The following PAM variants were observed in gnomAD, a reference collection of about 807,000 sequenced individuals.
The protein encoded by PAM is peptidyl-glycine alpha-amidating monooxygenase.
A neutral mutation model predicts 122.1 loss-of-function variants in PAM; 72 were observed. The observed-to-expected ratio is 0.59, with a 90% CI of 0.49 to 0.72. The LOEUF (loss-of-function observed/expected upper bound fraction) is 0.72. PAM is among the 30% of genes least tolerant of loss of function. The pLI is 0.00. For synonymous variants in PAM, 389 were observed against 404.4 expected, an observed-to-expected ratio of 0.96 and a Z score of 0.46; for missense variants, 1,106 against 1,183.7, an observed-to-expected ratio of 0.93 and a Z score of 0.96.
intron 5 of PAM, 37 bp downstream of exon 5, chr5:102,914,058 A>G: frequency 1.8e-6 from 2 of 1,142,324 alleles, no homozygotes; most frequent in Non-Finnish European, 2.7e-6. Flanking sequence ...AAGGGTGTAG[A>G]AAATGTGTTT....
chr5:103,004,910 T>C (rs1454248926), intron 17 of PAM, among the ~76,000 whole-genome samples: 1 of 152,224 alleles, frequency 6.6e-6, no homozygotes. Context: ...TAAACATTTG[T>C]AATTTATATG....
chr5:102,918,497 T>C (rs940930679), intron 5 of PAM, among the ~76,000 whole-genome samples: 1 of 152,138 alleles, frequency 6.6e-6, no homozygotes, highest in African/African-American at 2.4e-5. Flanking sequence ...TTTTTATATT[T>C]AAATTACCCA....
intron 4 of PAM, among the ~76,000 whole-genome samples, chr5:102,906,312 G>A (rs539696784): frequency 6.6e-6 from 1 of 151,692 alleles, no homozygotes; most frequent in East Asian, 1.9e-4. Flanking sequence ...TATTTCAGCA[G>A]GAACTACTTT....
At chr5:103,023,208 C>T (rs1001787510) in intron 23 of PAM, among the ~76,000 whole-genome samples, 1 of 152,026 alleles carries the variant, frequency 6.6e-6, no homozygotes, top group African/African-American at 2.4e-5. Flanking sequence ...ACAGTTCCTT[C>T]CATTTAATGT....
chr5:102,999,388 C>G (rs1776677899), intron 16 of PAM, among the ~76,000 whole-genome samples: 1 of 152,240 alleles, frequency 6.6e-6, no homozygotes, highest in African/African-American at 2.4e-5. Context: ...GCTGCTTTCA[C>G]AGTTGGCATT....
chr5:102,880,311 A>C (rs1338188312), intron 3 of PAM, among the ~76,000 whole-genome samples: 3 of 152,124 alleles, frequency 2.0e-5, no homozygotes, highest in African/African-American at 4.8e-5. Context: ...ATATGACTGC[A>C]TTTAACACAT....
intron 21 of PAM, among the ~76,000 whole-genome samples, chr5:103,015,933 T>C (rs898337918): frequency 2.6e-5 from 4 of 152,222 alleles, no homozygotes; most frequent in Non-Finnish European, 4.4e-5. Context: ...ATATTTTTCC[T>C]ATCAGAAAAT....
At chr5:102,815,285 A>G (rs1020221717) in intron 1 of PAM, among the ~76,000 whole-genome samples, 45 of 152,038 alleles carry the variant, frequency 3.0e-4, no homozygotes, top group African/African-American at 9.4e-4. Flanking sequence ...AACCAGGAGA[A>G]AGGGAACTGA....
chr5:102,940,564 G>C (rs977327431), intron 7 of PAM, among the ~76,000 whole-genome samples: 2 of 149,930 alleles, frequency 1.3e-5, no homozygotes, highest in Non-Finnish European at 3.0e-5. Context: ...AGTGATATCA[G>C]AGGTAAGCAG....
In PAM at chr5:102,974,282, T is replaced by C. The variant is rs1675793375; in HGVS notation, c.1329T>C (p.Gly443=). 1 of 1,613,946 alleles carries C rather than the reference T, an allele frequency of 6.2e-7. No individual in the cohort carries two copies. The highest frequency in any genetic ancestry group is 1.3e-5 in the African/African-American group (1 of 74,982). Residue 443 remains glycine, a synonymous_variant, in exon 15 of 26, where the codon GGT becomes GGC. Coordinates refer to ENST00000438793, the MANE Select transcript of PAM (RefSeq NM_001177306.2). ...TTGGTCGATCTGATGCCAGAGAGGG[T>C]GCAGAACATGAGAGGGGTAATGCTA... ...KDLGRSDARE[G]AEHERGNAIL...
At chr5:102,762,119 A>G (rs1752530024) in intron 1 of PAM, among the ~76,000 whole-genome samples, 1 of 152,236 alleles carries the variant, frequency 6.6e-6, no homozygotes, top group South Asian at 2.1e-4. Context: ...TTGTAGGGGT[A>G]GAAAACTCTG....
intron 7 of PAM, among the ~76,000 whole-genome samples, chr5:102,936,466 CTT>C (rs1461703871): frequency 6.6e-6 from 1 of 152,050 alleles, no homozygotes; most frequent in Non-Finnish European, 1.5e-5. Context: ...CAACATAGGT[CTT>C]TGTTGTTTCA....
chr5:102,986,427 T>C (rs1771848107), intron 15 of PAM, among the ~76,000 whole-genome samples: 1 of 152,136 alleles, frequency 6.6e-6, no homozygotes, highest in Non-Finnish European at 1.5e-5. Flanking sequence ...ATCAGTAGCA[T>C]TTTTATACAC....
chr5:102,928,035 G>A (rs1330855813), intron 7 of PAM, among the ~76,000 whole-genome samples: 5 of 152,154 alleles, frequency 3.3e-5, no homozygotes, highest in Non-Finnish European at 5.9e-5. Context: ...CAGTAGAACA[G>A]ACAGATTGTG....
At chr5:102,763,490 C>T (rs764950339) in intron 1 of PAM, among the ~76,000 whole-genome samples, 12 of 152,028 alleles carry the variant, frequency 7.9e-5, no homozygotes, top group African/African-American at 2.4e-4. Context: ...AATTTACACA[C>T]GACAGCAACA....
At chr5:102,772,106 T>C (rs1755953052) in intron 1 of PAM, among the ~76,000 whole-genome samples, 1 of 152,118 alleles carries the variant, frequency 6.6e-6, no homozygotes, top group Non-Finnish European at 1.5e-5. Context: ...TTTATCCTTT[T>C]TGAAACAGGG....
chr5:102,976,545 C>G lies in PAM; in HGVS notation c.1483+2109C>G, dbSNP rs560303975. ...ATAATTTTCCATTGTTTCTTTCATA[C>G]CCTTCTCCAGGCAAAGCTGAGAATG... On this transcript the variant is annotated intron_variant, in intron 15 of 25. Coordinates refer to ENST00000438793, the MANE Select transcript of PAM (RefSeq NM_001177306.2). Among the ~76,000 whole-genome samples the G allele has an allele frequency of 8.4e-3, 1,270 of 150,560 alleles. 5 individuals are homozygous for G. The highest frequency in any genetic ancestry group is 0.014 in the Middle Eastern group (4 of 294).
intron 1 of PAM, among the ~76,000 whole-genome samples, chr5:102,757,377 G>T (rs1750730350): frequency 6.6e-6 from 1 of 152,150 alleles, no homozygotes; most frequent in African/African-American, 2.4e-5. Context: ...TGGTGAGTTT[G>T]CATAATTGGA....
Position 102,867,334 on chromosome 5 carries a change from C to T in PAM, c.151C>T (p.Pro51Ser), listed in dbSNP as rs140503241. Residue 51 changes from proline to serine, a missense_variant, in exon 3 of 26, where the codon CCT (proline) becomes TCT (serine). By Grantham distance (74) the Pro-to-Ser change is moderately conservative. Coordinates refer to ENST00000438793, the MANE Select transcript of PAM (RefSeq NM_001177306.2). ...TCTTGGTACCACCAGACCCGTAGTT[C>T]CTATTGATTCATCAGATTTTGCATT... ...ECLGTTRPVV[P>S]IDSSDFALDI... 5 of 1,604,026 alleles carry T rather than the reference C, an allele frequency of 3.1e-6. No homozygotes were observed. The African/African-American group carries it at 6.7e-5, about 21-fold the overall frequency.
Sources: gnomAD v4.1 joint callset for allele counts (sites outside exome capture counted in the v4.1 genomes callset) on GRCh38, gnomAD v4.1.1 for gene constraint, MANE v1.5 for transcripts, NCBI Gene and HGNC (gene_info 2026-07-23, HGNC 2026-07-21) for gene names.